IL1RAPL1: variants seen among roughly 807,000 people sequenced by gnomAD.
The protein encoded by IL1RAPL1 is interleukin 1 receptor accessory protein like 1.
A neutral mutation model predicts 48.4 loss-of-function variants in IL1RAPL1; 3 were observed. That is an observed-to-expected ratio of 0.06 (90% confidence interval 0.03 to 0.16). IL1RAPL1 has a LOEUF of 0.16. Ranked by LOEUF, IL1RAPL1 falls within the 10% of genes least tolerant of loss-of-function variation. IL1RAPL1 has a pLI of 1.00. For missense variants in IL1RAPL1, 349 were observed against 530.6 expected (o/e 0.66, Z 3.36); for synonymous variants, 185 against 187.7 (o/e 0.99, Z 0.12).
intron 6 of IL1RAPL1, among the ~76,000 whole-genome samples, chrX:29,912,155 A>G (rs886744530): frequency 8.9e-6 from 1 of 111,926 alleles, no homozygotes; most frequent in African/African-American, 3.2e-5. Context: ...GTGGTAACTG[A>G]CTTTTGCAAG....
intron 1 of IL1RAPL1, among the ~76,000 whole-genome samples, chrX:28,755,718 AT>A (rs1485183243): frequency 9.0e-6 from 1 of 111,593 alleles, no homozygotes; most frequent in Non-Finnish European, 1.9e-5. Context: ...TTCTGATTTC[AT>A]TTTTTCCCAT....
At chrX:29,887,207 T>A (rs995101555) in intron 6 of IL1RAPL1, among the ~76,000 whole-genome samples, 6 of 112,043 alleles carry the variant, frequency 5.4e-5, no homozygotes, top group Non-Finnish European at 1.1e-4. Flanking sequence ...AATATTAGAG[T>A]AAAATCGCCA....
At chrX:29,818,565 T>A (rs1930544315) in intron 6 of IL1RAPL1, among the ~76,000 whole-genome samples, 1 of 112,094 alleles carries the variant, frequency 8.9e-6, no homozygotes, top group African/African-American at 3.2e-5. Flanking sequence ...CAAATTTGTA[T>A]TTGGAAGCAC....
intron 3 of IL1RAPL1, among the ~76,000 whole-genome samples, chrX:29,333,798 AC>A (rs1287418570): frequency 0.22 from 604 of 2,741 alleles, 38 homozygotes; most frequent in East Asian, 0.34. Flanking sequence ...CGGCTGGCCG[AC>A]CCCCCCCCCC....
intron 2 of IL1RAPL1, among the ~76,000 whole-genome samples, chrX:28,837,235 A>G (rs998954898): frequency 9.0e-6 from 1 of 110,627 alleles, no homozygotes; most frequent in Non-Finnish European, 1.9e-5. Flanking sequence ...TCATTTATTT[A>G]TGAGAATTTT....
intron 5 of IL1RAPL1, among the ~76,000 whole-genome samples, chrX:29,477,367 A>G (rs1247814586): frequency 8.9e-6 from 1 of 111,870 alleles, no homozygotes; most frequent in East Asian, 2.8e-4. Context: ...GGCATAAGAG[A>G]GGTTATACAA....
chrX:28,838,074 C>T (rs1569183385), intron 2 of IL1RAPL1, among the ~76,000 whole-genome samples: 2 of 110,539 alleles, frequency 1.8e-5, no homozygotes, highest in African/African-American at 3.3e-5. Flanking sequence ...GAAACAAATG[C>T]CCTGGAATCA....
At chrX:29,775,920 A>G (rs1467331377) in intron 6 of IL1RAPL1, among the ~76,000 whole-genome samples, 1 of 111,157 alleles carries the variant, frequency 9.0e-6, no homozygotes, top group Non-Finnish European at 1.9e-5. Context: ...TTTTGACCCT[A>G]CTTTCTCTGC....
At chrX:29,490,050 A>G (rs1259197073) in intron 5 of IL1RAPL1, among the ~76,000 whole-genome samples, 1 of 111,241 alleles carries the variant, frequency 9.0e-6, no homozygotes, top group Non-Finnish European at 1.9e-5. Flanking sequence ...CTTGTTTAAC[A>G]GTTTTTCTGA....
In IL1RAPL1 at chrX:28,993,269, T is replaced by G. The variant is rs767177099; in HGVS notation, c.82+203844T>G. Among the ~76,000 whole-genome samples the G allele has an allele frequency of 2.9e-4, 32 of 111,812 alleles. No homozygotes were observed. In the South Asian group the frequency reaches 0.012, roughly 41 times the overall value. On this transcript the variant is annotated intron_variant, in intron 2 of 10. Transcript: ENST00000378993. The stretch of plus-strand genomic sequence containing the variant: ...AAGCAGTGCAACCAGTGGAATACTG[T>G]GATCTAGTTTGGGTTTTAAGAAAAA...
intron 6 of IL1RAPL1, among the ~76,000 whole-genome samples, chrX:29,746,114 G>A (rs751464283): frequency 9.0e-6 from 1 of 111,680 alleles, no homozygotes; most frequent in Non-Finnish European, 1.9e-5. Flanking sequence ...CCCCAAATAA[G>A]AGAAATATTA....
intron 2 of IL1RAPL1, among the ~76,000 whole-genome samples, chrX:29,130,411 G>A (rs1928995631): frequency 8.9e-6 from 1 of 111,952 alleles, no homozygotes; most frequent in South Asian, 3.7e-4. Flanking sequence ...TTGTTAATAA[G>A]TCAAGACATT....
At chrX:29,555,625 A>G (rs1379064072) in intron 5 of IL1RAPL1, among the ~76,000 whole-genome samples, 1 of 111,896 alleles carries the variant, frequency 8.9e-6, no homozygotes, top group African/African-American at 3.2e-5. Flanking sequence ...ACCTGTGTGC[A>G]CATCTGTCTC....
chrX:29,310,245 G>A (rs1932704960), intron 3 of IL1RAPL1, among the ~76,000 whole-genome samples: 1 of 106,664 alleles, frequency 9.4e-6, no homozygotes, highest in African/African-American at 3.4e-5. Context: ...TCCCTCTAAA[G>A]CTTTGGCATG....
At chrX:29,485,137 A>T (rs1262285986) in intron 5 of IL1RAPL1, among the ~76,000 whole-genome samples, 3 of 112,402 alleles carry the variant, frequency 2.7e-5, no homozygotes, top group Non-Finnish European at 3.8e-5. Flanking sequence ...ATTTAATTCT[A>T]CCTAATACTA....
At chrX:29,680,977 T>A (rs923874369) in intron 6 of IL1RAPL1, among the ~76,000 whole-genome samples, 4 of 111,996 alleles carry the variant, frequency 3.6e-5, no homozygotes, top group Non-Finnish European at 7.5e-5. Context: ...TAGGAAAAAA[T>A]TAATATGCTT....
chrX:29,306,530 GAAAAAAAAAAA>G (rs1166748708), intron 3 of IL1RAPL1, among the ~76,000 whole-genome samples: 1 of 33,444 alleles, frequency 3.0e-5, no homozygotes, highest in Non-Finnish European at 4.6e-5. Context: ...TCTGTCAAAA[GAAAAAAAAAAA>G]AAAAAAAAAA....
chrX:29,954,234 C>CAA (rs1933370532), intron 9 of IL1RAPL1, among the ~76,000 whole-genome samples: 1 of 35,110 alleles, frequency 2.8e-5, no homozygotes, highest in Non-Finnish European at 4.7e-5. Context: ...AGACTGTGTC[C>CAA]CAAAAAAAAA....
chrX:29,166,563 G>A (rs192012847), intron 2 of IL1RAPL1, among the ~76,000 whole-genome samples: 4 of 111,299 alleles, frequency 3.6e-5, no homozygotes, highest in African/African-American at 1.3e-4. Context: ...CATCATTCAG[G>A]CCTATTTTTT....
Sources: allele counts gnomAD v4.1 joint callset (sites outside exome capture counted in the v4.1 genomes callset), GRCh38; gene constraint gnomAD v4.1.1; transcripts MANE v1.5; gene names NCBI Gene and HGNC (gene_info 2026-07-23, HGNC 2026-07-21).